TTBK2: variants seen among roughly 807,000 people sequenced by gnomAD.
The protein encoded by TTBK2 is tau-tubulin kinase 2.
A neutral mutation model predicts 110.8 loss-of-function variants in TTBK2; 28 were observed. The observed-to-expected ratio is 0.25, with a 90% CI of 0.19 to 0.35. TTBK2 has a LOEUF of 0.35. Among genes scored for constraint, TTBK2 ranks in the 10% least tolerant of loss-of-function variants. The pLI, the probability that TTBK2 is intolerant of heterozygous loss-of-function variation, is 1.00. For synonymous variants in TTBK2, 532 were observed against 527.3 expected (o/e 1.01, Z -0.12); for missense variants, 1,369 against 1,500.3 (o/e 0.91, Z 1.45).
intron 1 of TTBK2, among the ~76,000 whole-genome samples, chr15:42,906,123 G>C (rs1269959394): frequency 1.3e-5 from 2 of 152,128 alleles, no homozygotes; most frequent in East Asian, 3.9e-4. Context: ...GGGAGGTGGA[G>C]GTTGTGGTGA....
intron 13 of TTBK2, among the ~76,000 whole-genome samples, chr15:42,770,833 G>A (rs943624201): frequency 1.3e-5 from 2 of 152,280 alleles, no homozygotes; most frequent in Admixed American, 6.5e-5. Flanking sequence ...ATTAATACAC[G>A]TGTGGATCAT....
intron 13 of TTBK2, among the ~76,000 whole-genome samples, chr15:42,773,566 G>T (rs1401457008): frequency 6.6e-6 from 1 of 152,212 alleles, no homozygotes; most frequent in Non-Finnish European, 1.5e-5. Context: ...AGTAGTGTAA[G>T]AGAACCATGA....
intron 6 of TTBK2, among the ~76,000 whole-genome samples, chr15:42,822,829 A>G (rs1298869615): frequency 6.6e-6 from 1 of 152,274 alleles, no homozygotes; most frequent in African/African-American, 2.4e-5. Flanking sequence ...TATTTTAACA[A>G]TTAAAACAAG....
At chr15:42,792,805 T>A (rs1392027790) in intron 10 of TTBK2, among the ~76,000 whole-genome samples, 1 of 152,234 alleles carries the variant, frequency 6.6e-6, no homozygotes, top group Admixed American at 6.5e-5. Flanking sequence ...TTAGGCATCT[T>A]CTACAAGTTA....
intron 3 of TTBK2, among the ~76,000 whole-genome samples, chr15:42,867,971 A>G (rs1422035847): frequency 6.6e-6 from 1 of 152,204 alleles, no homozygotes; most frequent in East Asian, 1.9e-4. Context: ...AAAAGAAATG[A>G]CCTATCAAGC....
Position 42,794,648 on chromosome 15 carries a change from T to C in TTBK2, c.976A>G (p.Ile326Val). 6.2e-7 allele frequency: 1 copy of C among 1,614,120 alleles called. No homozygotes were observed. The highest frequency in any genetic ancestry group is 8.5e-7 in the Non-Finnish European group (1 of 1,180,006). ...AATGATCTGTTTAGGACATACCCAATTGCAGCAGGGGTCAAGCGAGTGTGC... is the reference window on the plus strand; with the variant it reads ...AATGATCTGTTTAGGACATACCCAACTGCAGCAGGGGTCAAGCGAGTGTGC... ...QLHTRLTPAA[I>V]GIANATPIPG... is the part of the protein sequence containing the mutation. The change falls in exon 10 of 15, where the codon ATT becomes GTT. Residue 326 changes from isoleucine (I) to valine (V), a missense_variant. Ile to Val is a conservative substitution (Grantham distance 29). This residue lies in a region of TTBK2 where 1,097 missense variants were observed against 1,114.7 expected (regional missense o/e 0.98). Coordinates refer to ENST00000267890, the MANE Select transcript of TTBK2 (RefSeq NM_173500.4).
chr15:42,880,882 C>T (rs980708515), intron 1 of TTBK2, among the ~76,000 whole-genome samples: 3 of 151,900 alleles, frequency 2.0e-5, no homozygotes, highest in Admixed American at 1.3e-4. Flanking sequence ...CAGTAATCTA[C>T]TGCAATCTGT....
intron 4 of TTBK2, among the ~76,000 whole-genome samples, chr15:42,835,476 C>T (rs967499288): frequency 1.2e-4 from 19 of 152,118 alleles, no homozygotes; most frequent in Non-Finnish European, 2.4e-4. Flanking sequence ...GTGTGCATGT[C>T]AAATTCCTCC....
At chr15:42,840,652 GAATA>G in intron 3 of TTBK2, 1 of 624,658 alleles carries the variant, frequency 1.6e-6, no homozygotes, top group East Asian at 3.1e-5. Flanking sequence ...CTATTTGAAT[GAATA>G]AATAAACAAT....
chr15:42,897,873 C>A (rs986313730), intron 1 of TTBK2, among the ~76,000 whole-genome samples: 1 of 149,422 alleles, frequency 6.7e-6, no homozygotes, highest in African/African-American at 2.5e-5. Context: ...CACGGAACTT[C>A]CAATCAGCTT....
intron 7 of TTBK2, among the ~76,000 whole-genome samples, chr15:42,813,363 A>C (rs1045814572): frequency 6.6e-6 from 1 of 152,012 alleles, no homozygotes; most frequent in African/African-American, 2.4e-5. Flanking sequence ...CTCTACAAAA[A>C]ATACAAAAAT....
chr15:42,776,308 T>C lies in TTBK2; in HGVS notation c.1410-585A>G, dbSNP rs59908465. 1.3e-3 allele frequency among the ~76,000 whole-genome samples: 204 copies of C among 152,362 alleles called. 8 individuals carry two copies. In the East Asian group the frequency reaches 0.036, roughly 27 times the overall value. ...ATGCACCATTGAAGGGCATGACTACTATTAAAGGAAATTAGGTCTTAATGC... is the reference window on the plus strand; with the variant it reads ...ATGCACCATTGAAGGGCATGACTACCATTAAAGGAAATTAGGTCTTAATGC... On this transcript the variant is annotated intron_variant, in intron 12 of 14. Coordinates refer to ENST00000267890, the MANE Select transcript of TTBK2 (RefSeq NM_173500.4).
intron 4 of TTBK2, among the ~76,000 whole-genome samples, chr15:42,831,055 C>A (rs1027723970): frequency 2.0e-5 from 3 of 149,180 alleles, no homozygotes; most frequent in Non-Finnish European, 4.4e-5. Context: ...TGTGTGTGAT[C>A]AAGTATATAG....
intron 3 of TTBK2, chr15:42,855,003 T>C (rs1893871612): frequency 6.6e-6 from 1 of 152,192 alleles, no homozygotes; most frequent in African/African-American, 2.4e-5. Context: ...CTAAGCATAA[T>C]ATAAAAGTCA....
chr15:42,761,332 A>G lies in TTBK2; in HGVS notation c.1999-8085T>C, dbSNP rs115741349. Among the ~76,000 whole-genome samples the G allele has an allele frequency of 9.1e-3, 1,389 of 152,336 alleles. 17 individuals carry two copies. Among genetic ancestry groups the G allele is most frequent in the African/African-American group, 0.032 (1,325 of 41,576 alleles). On this transcript the variant is annotated intron_variant, in intron 13 of 14. Coordinates refer to ENST00000267890, the MANE Select transcript of TTBK2 (RefSeq NM_173500.4). Reference sequence around the variant, plus strand: ...GCAACAAAAAAATAAACTGGATTATATCAAACTAAAAACCTTCTTCACAGC... The same window carrying G: ...GCAACAAAAAAATAAACTGGATTATGTCAAACTAAAAACCTTCTTCACAGC...
intron 4 of TTBK2, among the ~76,000 whole-genome samples, chr15:42,838,877 G>C (rs984939274): frequency 6.6e-6 from 1 of 151,984 alleles, no homozygotes; most frequent in Non-Finnish European, 1.5e-5. Flanking sequence ...AAAAAGGAAT[G>C]GCATTTCTCC....
At chr15:42,801,687 A>T (rs761559757) in intron 9 of TTBK2, 2 of 891,922 alleles carry the variant, frequency 2.2e-6, no homozygotes, top group African/African-American at 1.6e-5. Flanking sequence ...AGCACCACAG[A>T]TGTATCCGAG....
At chr15:42,919,292 A>C (rs1363601219) in intron 1 of TTBK2, among the ~76,000 whole-genome samples, 1 of 152,220 alleles carries the variant, frequency 6.6e-6, no homozygotes, top group Admixed American at 6.5e-5. Flanking sequence ...TTAAAAAAAA[A>C]AAGGAAATAA....
intron 1 of TTBK2, among the ~76,000 whole-genome samples, chr15:42,882,773 C>G (rs1895096531): frequency 6.6e-6 from 1 of 152,098 alleles, no homozygotes; most frequent in Non-Finnish European, 1.5e-5. Flanking sequence ...GAACTGTCAA[C>G]CCACAATTCT....
Sources: gnomAD v4.1 joint callset for allele counts (sites outside exome capture counted in the v4.1 genomes callset) on GRCh38, gnomAD v4.1.1 for gene constraint, gnomAD v4.1.1 regional missense constraint, MANE v1.5 for transcripts, NCBI Gene and HGNC (gene_info 2026-07-23, HGNC 2026-07-21) for gene names.